The following THADA variants were observed in gnomAD, a reference collection of about 807,000 sequenced individuals.
The protein encoded by THADA is THADA armadillo repeat containing.
Under a neutral mutation model 219.8 loss-of-function variants are expected in THADA, and 213 were observed. The observed-to-expected ratio is 0.97, with a 90% CI of 0.87 to 1.09. The LOEUF (loss-of-function observed/expected upper bound fraction) is 1.09. Ranked by LOEUF, THADA falls within the 50% of genes least tolerant of loss-of-function variation. The pLI, the probability that THADA is intolerant of heterozygous loss-of-function variation, is 0.00. For missense variants in THADA, 2,956 were observed against 2,311.3 expected, an observed-to-expected ratio of 1.28 and a Z score of -5.72; for synonymous variants, 1,018 against 828.9, an observed-to-expected ratio of 1.23 and a Z score of -3.92.
chr2:43,298,461 G>C (rs371728267), intron 31 of THADA, among the ~76,000 whole-genome samples: 3,440 of 133,964 alleles, frequency 0.026, 56 homozygotes, highest in Middle Eastern at 0.056. Flanking sequence ...CAAACACTGC[G>C]GAAGGCCGCA....
At chr2:43,242,420 G>C (rs1668716538) in intron 36 of THADA, among the ~76,000 whole-genome samples, 2 of 152,196 alleles carry the variant, frequency 1.3e-5, no homozygotes, top group South Asian at 4.1e-4. Flanking sequence ...ACAGGATACA[G>C]GTTGCAAGTG....
At chr2:43,500,393 A>G (rs1307694404) in intron 24 of THADA, among the ~76,000 whole-genome samples, 1 of 152,312 alleles carries the variant, frequency 6.6e-6, no homozygotes, top group East Asian at 1.9e-4. Flanking sequence ...ACTTGTCTGT[A>G]TATGTACTAT....
intron 24 of THADA, among the ~76,000 whole-genome samples, chr2:43,503,907 G>C (rs777015457): frequency 6.6e-6 from 1 of 152,020 alleles, no homozygotes; most frequent in Non-Finnish European, 1.5e-5. Flanking sequence ...AAATAGCACA[G>C]GTAGAGCATC....
chr2:43,569,726 G>GCT (rs10650807), intron 14 of THADA, among the ~76,000 whole-genome samples: 92,152 of 151,800 alleles, frequency 0.61, 29,650 homozygotes, highest in African/African-American at 0.81. Flanking sequence ...AAATAGGTAA[G>GCT]CTGTCTTCTG....
intron 36 of THADA, among the ~76,000 whole-genome samples, chr2:43,260,244 T>G (rs1272316118): frequency 5.3e-5 from 8 of 152,326 alleles, no homozygotes; most frequent in African/African-American, 1.9e-4. Flanking sequence ...AAGAACAATC[T>G]TTTTATTCTT....
intron 29 of THADA, among the ~76,000 whole-genome samples, chr2:43,383,151 C>T (rs766197877): frequency 2.6e-5 from 4 of 152,072 alleles, no homozygotes; most frequent in Non-Finnish European, 4.4e-5. Flanking sequence ...TCTAAATGTA[C>T]ATTTTGAAAA....
At chr2:43,521,001 G>C (rs1193189412) in intron 22 of THADA, among the ~76,000 whole-genome samples, 2 of 118,400 alleles carry the variant, frequency 1.7e-5, no homozygotes, top group African/African-American at 7.5e-5. Flanking sequence ...AGGGAGGAAA[G>C]GGAGGGAAGG....
At chr2:43,237,587 G>T (rs1172580185) in intron 36 of THADA, among the ~76,000 whole-genome samples, 2 of 151,432 alleles carry the variant, frequency 1.3e-5, no homozygotes, top group Non-Finnish European at 2.9e-5. Context: ...TTTTAGTAGA[G>T]ACGGGGTTTC....
chr2:43,554,257 TTTTA>T (rs1202368279), intron 17 of THADA, among the ~76,000 whole-genome samples: 1 of 152,220 alleles, frequency 6.6e-6, no homozygotes, highest in Non-Finnish European at 1.5e-5. Context: ...TATTTAAGTC[TTTTA>T]TTTATTTTGA....
At chr2:43,231,682 G>C (rs1374619671) in intron 37 of THADA, among the ~76,000 whole-genome samples, 1 of 152,138 alleles carries the variant, frequency 6.6e-6, no homozygotes, top group African/African-American at 2.4e-5. Flanking sequence ...TAGAGTTTAA[G>C]GTGCAGCTGG....
rs539605937 is a variant in THADA, at chr2:43,455,631, C to T, written c.3837-25329G>A. ...AATGTGTAAAACAAGGGTTAGAGAG[C>T]AGGCTAACAAGAAGACACAAGAGAA... On this transcript the variant is annotated intron_variant, in intron 26 of 37. Transcript: ENST00000405975. Among the ~76,000 whole-genome samples, 3 of 152,206 alleles carry T rather than the reference C, an allele frequency of 2.0e-5. No homozygotes were observed. The South Asian group carries it at 6.2e-4, about 32-fold the overall frequency.
At chr2:43,255,542 G>T (rs1670218174) in intron 36 of THADA, among the ~76,000 whole-genome samples, 1 of 152,198 alleles carries the variant, frequency 6.6e-6, no homozygotes, top group Non-Finnish European at 1.5e-5. Flanking sequence ...GAACTTCAAG[G>T]TGACAAGGGA....
intron 21 of THADA, among the ~76,000 whole-genome samples, chr2:43,529,653 A>C (rs1044676037): frequency 1.3e-5 from 2 of 152,202 alleles, no homozygotes; most frequent in African/African-American, 2.4e-5. Context: ...ATTTTGTATA[A>C]AACTCAGGAC....
rs376365329 is a variant in THADA at position 43,426,646 on chromosome 2, C to T, written c.4058+1454G>A. Among the ~76,000 whole-genome samples the T allele has an allele frequency of 2.3e-4, 35 of 152,270 alleles. 1 individual carries two copies. In the South Asian group the frequency reaches 3.3e-3, roughly 14 times the overall value. ...TAACACAGCCACAGCCAAGGCTTGG[C>T]GCAAACAAATAGCTCTGCAAGCGCA... On this transcript the variant is annotated intron_variant, in intron 28 of 37. Transcript: ENST00000405975.
chr2:43,394,444 G>T lies in THADA; in HGVS notation c.4227+3527C>A, dbSNP rs1673784064. ...TAATTCAAGAAAATGTTCTGTGAAAGAATTTGTTTTCTGATTATGAAATGA... is the reference window on the plus strand; with the variant it reads ...TAATTCAAGAAAATGTTCTGTGAAATAATTTGTTTTCTGATTATGAAATGA... On this transcript the variant is annotated intron_variant, in intron 29 of 37. Coordinates refer to ENST00000405975, the MANE Select transcript of THADA (RefSeq NM_022065.5). 2.0e-5 allele frequency among the ~76,000 whole-genome samples: 3 copies of T among 152,230 alleles called. No individual in the cohort carries two copies. The South Asian group carries it at 6.2e-4, about 32-fold the overall frequency.
At chr2:43,265,275 T>C (rs1326813474) in intron 36 of THADA, among the ~76,000 whole-genome samples, 1 of 152,208 alleles carries the variant, frequency 6.6e-6, no homozygotes, top group Non-Finnish European at 1.5e-5. Flanking sequence ...GCCTCGTGGG[T>C]GCCGAGCCAA....
intron 15 of THADA, chr2:43,564,250 T>C (rs903580305): frequency 2.6e-5 from 4 of 152,262 alleles, no homozygotes; most frequent in Non-Finnish European, 5.9e-5. Context: ...TGTAACAAAT[T>C]ACCACATACT....
intron 30 of THADA, among the ~76,000 whole-genome samples, chr2:43,325,454 T>G (rs1430748577): frequency 6.6e-6 from 1 of 151,736 alleles, no homozygotes; most frequent in African/African-American, 2.4e-5. Context: ...GAACTTAGAG[T>G]CCTGAATAGT....
At position 43,504,770 on chromosome 2, in the gene THADA, G is replaced by A. The variant is rs539093924; in HGVS notation, c.3621+852C>T. Among the ~76,000 whole-genome samples the A allele has an allele frequency of 3.2e-4, 49 of 152,328 alleles. 1 individual carries two copies. The South Asian group carries it at 9.3e-3, about 29-fold the overall frequency. On this transcript the variant is annotated intron_variant, in intron 24 of 37. Coordinates refer to ENST00000405975, the MANE Select transcript of THADA (RefSeq NM_022065.5). The stretch of plus-strand genomic sequence containing the variant: ...ATGGCGGCCCATGCCTGTAATTCCA[G>A]CTACTGAGGAGGCTGAGGCATGGGA...
Sources: allele counts gnomAD v4.1 joint callset (sites outside exome capture counted in the v4.1 genomes callset), GRCh38; gene constraint gnomAD v4.1.1; transcripts MANE v1.5; gene names NCBI Gene and HGNC (gene_info 2026-07-23, HGNC 2026-07-21).